PKIB: variants seen among roughly 807,000 people sequenced by gnomAD.
PKIB encodes the protein PKI-beta.
Under a neutral mutation model 4.5 loss-of-function variants are expected in PKIB, and 2 were observed. That is an observed-to-expected ratio of 0.44 (90% CI 0.18 to 1.39). PKIB has a LOEUF of 1.39. PKIB is among the 40% of genes most tolerant of loss of function. PKIB has a pLI of 0.27. For synonymous variants in PKIB, 38 were observed against 36.0 expected (o/e 1.06, Z -0.20); for missense variants, 94 against 92.6 (o/e 1.02, Z -0.06).
intron 3 of PKIB, among the ~76,000 whole-genome samples, chr6:122,683,620 G>C (rs912354873): frequency 2.0e-5 from 3 of 152,210 alleles, no homozygotes; most frequent in African/African-American, 7.2e-5. Flanking sequence ...GAATATTATT[G>C]TTCCAAAGTG....
At chr6:122,569,478 C>G (rs914512928) in intron 2 of PKIB, among the ~76,000 whole-genome samples, 4 of 152,228 alleles carry the variant, frequency 2.6e-5, no homozygotes, top group African/African-American at 9.6e-5. Flanking sequence ...ACCAAAGGTT[C>G]TAAGTGGGTC....
intron 2 of PKIB, among the ~76,000 whole-genome samples, chr6:122,501,004 C>A (rs183181977): frequency 6.6e-5 from 10 of 152,218 alleles, no homozygotes; most frequent in East Asian, 5.8e-4. Context: ...AATCACCCCC[C>A]ACCAGGACCC....
intron 2 of PKIB, among the ~76,000 whole-genome samples, chr6:122,553,062 C>G (rs1401826899): frequency 6.6e-6 from 1 of 152,074 alleles, no homozygotes; most frequent in Non-Finnish European, 1.5e-5. Flanking sequence ...TCTCCCTGTT[C>G]AAATTACTGC....
At chr6:122,671,459 T>C (rs912109900) in intron 2 of PKIB, among the ~76,000 whole-genome samples, 16 of 152,312 alleles carry the variant, frequency 1.1e-4, no homozygotes, top group South Asian at 6.2e-4. Flanking sequence ...TCTTACAGAC[T>C]GAAGTGTAAA....
rs370229021 is a variant in PKIB, at chr6:122,678,471, G to A, written c.-9+3327G>A. ...TCCAGAAGGCAGAGCCATCATCTTA[G>A]TTTGTTTCTTTTTTTTAATAGTTGC... On this transcript the variant is annotated intron_variant, in intron 3 of 4. Coordinates refer to ENST00000368452, the MANE Select transcript of PKIB (RefSeq NM_181795.3). Among the ~76,000 whole-genome samples the A allele has an allele frequency of 5.9e-4, 89 of 152,126 alleles. 1 individual carries two copies. The South Asian group carries it at 0.018, about 30-fold the overall frequency.
intron 2 of PKIB, among the ~76,000 whole-genome samples, chr6:122,652,036 G>T (rs1219849038): frequency 6.6e-6 from 1 of 152,072 alleles, no homozygotes; most frequent in Non-Finnish European, 1.5e-5. Context: ...ACTGAGAATT[G>T]TCTTTAATAC....
At position 122,640,080 on chromosome 6, in the gene PKIB, G is replaced by A. The variant is rs530109152; in HGVS notation, c.-76+6713G>A. ...GAGAAAAGGAGATAGTACGTGTCAC[G>A]GGGCTGTGGTGAGAAGAGAAAAAAA... On this transcript the variant is annotated intron_variant, in intron 2 of 4. Coordinates refer to ENST00000368452, the MANE Select transcript of PKIB (RefSeq NM_181795.3). 5.3e-5 allele frequency among the ~76,000 whole-genome samples: 8 copies of A among 152,220 alleles called. No individual in the cohort carries two copies. In the East Asian group the frequency reaches 7.7e-4, roughly 15 times the overall value.
intron 2 of PKIB, among the ~76,000 whole-genome samples, chr6:122,569,680 A>G (rs1773301631): frequency 6.6e-6 from 1 of 152,208 alleles, no homozygotes; most frequent in African/African-American, 2.4e-5. Flanking sequence ...CCTCAGCACC[A>G]GTCTGGAGTC....
At chr6:122,518,297 T>C (rs141032998) in intron 2 of PKIB, among the ~76,000 whole-genome samples, 1 of 152,270 alleles carries the variant, frequency 6.6e-6, no homozygotes, top group East Asian at 1.9e-4. Flanking sequence ...AACCCTGCTT[T>C]AAGAGTTCAA....
chr6:122,492,142 G>A (rs1180006705), intron 2 of PKIB, among the ~76,000 whole-genome samples: 1 of 152,114 alleles, frequency 6.6e-6, no homozygotes, highest in African/African-American at 2.4e-5. Context: ...GTGAGGGAGA[G>A]GTATGAGAAC....
intron 1 of PKIB, among the ~76,000 whole-genome samples, chr6:122,628,909 G>A (rs1775577427): frequency 6.6e-6 from 1 of 152,178 alleles, no homozygotes; most frequent in Non-Finnish European, 1.5e-5. Flanking sequence ...TGTGTATACA[G>A]GAAACATTCC....
chr6:122,551,298 C>G (rs1367585211), intron 2 of PKIB, among the ~76,000 whole-genome samples: 1 of 151,984 alleles, frequency 6.6e-6, no homozygotes, highest in African/African-American at 2.4e-5. Flanking sequence ...CATATTTTCT[C>G]TCATTTCCTT....
intron 2 of PKIB, among the ~76,000 whole-genome samples, chr6:122,508,131 G>A (rs1316143162): frequency 6.6e-6 from 1 of 152,120 alleles, no homozygotes; most frequent in Admixed American, 6.5e-5. Context: ...ACAGTAGTCT[G>A]GTCCATTGTC....
At chr6:122,500,082 A>T (rs969632774) in intron 2 of PKIB, among the ~76,000 whole-genome samples, 2 of 152,204 alleles carry the variant, frequency 1.3e-5, no homozygotes, top group Non-Finnish European at 2.9e-5. Flanking sequence ...TTACATGCCC[A>T]TGGATTGGAA....
At chr6:122,499,694 T>C (rs977390414) in intron 2 of PKIB, among the ~76,000 whole-genome samples, 4 of 152,210 alleles carry the variant, frequency 2.6e-5, no homozygotes, top group Non-Finnish European at 5.9e-5. Context: ...AACGTAGTAC[T>C]GGAAGTCCTA....
chr6:122,723,791 T>C (rs1054373716), intron 4 of PKIB, among the ~76,000 whole-genome samples: 3 of 152,224 alleles, frequency 2.0e-5, no homozygotes, highest in Non-Finnish European at 4.4e-5. Flanking sequence ...TGTCTAGAAT[T>C]GCATCCTTCA....
chr6:122,594,891 A>T (rs1774129551), intron 3 of PKIB, among the ~76,000 whole-genome samples: 1 of 152,056 alleles, frequency 6.6e-6, no homozygotes, highest in Admixed American at 6.6e-5. Context: ...GACTGATTTC[A>T]TCTATAGTCT....
chr6:122,609,893 G>C (rs954669838), upstream of PKIB, among the ~76,000 whole-genome samples: 1 of 152,016 alleles, frequency 6.6e-6, no homozygotes, highest in Non-Finnish European at 1.5e-5. Flanking sequence ...TAACAAACTC[G>C]AAGACCCAGA....
chr6:122,513,796 A>G (rs1234988042), intron 2 of PKIB, among the ~76,000 whole-genome samples: 4 of 152,174 alleles, frequency 2.6e-5, no homozygotes, highest in Non-Finnish European at 4.4e-5. Flanking sequence ...ATGTTGCTGC[A>G]AAGGACATGA....
Sources: gnomAD v4.1 joint callset for allele counts (sites outside exome capture counted in the v4.1 genomes callset) on GRCh38, gnomAD v4.1.1 for gene constraint, MANE v1.5 for transcripts, NCBI Gene and HGNC (gene_info 2026-07-23, HGNC 2026-07-21) for gene names.